OPN5: variants seen among roughly 807,000 people sequenced by gnomAD.
The protein encoded by OPN5 is opsin 5.
OPN5 carries 18 observed loss-of-function variants against 41.7 expected under a neutral mutation model. The observed-to-expected ratio is 0.43, with a 90% CI of 0.30 to 0.64. The LOEUF (loss-of-function observed/expected upper bound fraction) is 0.64. Ranked by LOEUF, OPN5 falls within the 30% of genes least tolerant of loss-of-function variation. The pLI is 0.13. For missense variants in OPN5, 318 were observed against 434.5 expected (o/e 0.73, Z 2.38); for synonymous variants, 178 against 164.3 (o/e 1.08, Z -0.64).
intron 4 of OPN5, among the ~76,000 whole-genome samples, chr6:47,796,254 T>C (rs1288377061): frequency 6.6e-6 from 1 of 152,198 alleles, no homozygotes; most frequent in Non-Finnish European, 1.5e-5. Context: ...ATAACAGGAA[T>C]AGTGATATCT....
intron 6 of OPN5, among the ~76,000 whole-genome samples, chr6:47,816,067 GGTTTT>G (rs879700114): frequency 1.3e-5 from 2 of 152,038 alleles, no homozygotes; most frequent in Non-Finnish European, 2.9e-5. Flanking sequence ...GTGCTTTGTT[GGTTTT>G]GTTTTATTTT....
At chr6:47,817,589 G>C (rs111568573) in intron 6 of OPN5, among the ~76,000 whole-genome samples, 1,899 of 152,142 alleles carry the variant, frequency 0.012, 44 homozygotes, top group African/African-American at 0.043. Context: ...AAAAGAACTT[G>C]AGCCCCATGC....
chr6:47,810,026 A>G (rs186558154), intron 5 of OPN5, among the ~76,000 whole-genome samples: 132 of 152,338 alleles, frequency 8.7e-4, no homozygotes, highest in Non-Finnish European at 1.5e-3. Context: ...TCAATACTCA[A>G]CAATGGGAAG....
chr6:47,811,230 A>C (rs1231258685), intron 5 of OPN5, among the ~76,000 whole-genome samples: 1 of 152,156 alleles, frequency 6.6e-6, no homozygotes, highest in Non-Finnish European at 1.5e-5. Flanking sequence ...AGTCATTTGC[A>C]TTCCTGGTAC....
chr6:47,819,891 G>C (rs1438360057), intron 6 of OPN5, among the ~76,000 whole-genome samples: 4 of 152,080 alleles, frequency 2.6e-5, no homozygotes, highest in African/African-American at 7.2e-5. Flanking sequence ...TTATTTGCTG[G>C]GAAGCAAATT....
At chr6:47,821,420 G>T (rs1762619909) in intron 6 of OPN5, among the ~76,000 whole-genome samples, 2 of 152,160 alleles carry the variant, frequency 1.3e-5, no homozygotes, top group Non-Finnish European at 2.9e-5. Context: ...TTCTAGGAGG[G>T]TCTTCAAAAC....
At chr6:47,813,533 T>C (rs79446777) in intron 6 of OPN5, among the ~76,000 whole-genome samples, 2,548 of 152,218 alleles carry the variant, frequency 0.017, 31 homozygotes, top group Middle Eastern at 0.027. Flanking sequence ...CTCCAAAGGC[T>C]TTGTTGTTTA....
intron 6 of OPN5, among the ~76,000 whole-genome samples, chr6:47,820,423 G>A (rs1009828998): frequency 9.2e-5 from 14 of 152,134 alleles, no homozygotes; most frequent in African/African-American, 3.4e-4. Context: ...ATGGTTGACC[G>A]ATTTATTCTG....
At chr6:47,814,482 T>C (rs1762371532) in intron 6 of OPN5, among the ~76,000 whole-genome samples, 2 of 152,158 alleles carry the variant, frequency 1.3e-5, no homozygotes, top group African/African-American at 4.8e-5. Flanking sequence ...CTAGAGTTAA[T>C]ATCTGTTATC....
At chr6:47,789,115 C>A (rs944972098) in intron 2 of OPN5, among the ~76,000 whole-genome samples, 2 of 152,100 alleles carry the variant, frequency 1.3e-5, no homozygotes, top group Non-Finnish European at 2.9e-5. Context: ...CATTCTGTCA[C>A]TTTCACTTGT....
intron 4 of OPN5, among the ~76,000 whole-genome samples, chr6:47,798,858 T>G (rs1332379078): frequency 2.6e-5 from 4 of 152,152 alleles, no homozygotes; most frequent in African/African-American, 9.7e-5. Flanking sequence ...GAAACCTTTT[T>G]GCTCATTTAG....
At chr6:47,814,821 T>C (rs1762383693) in intron 6 of OPN5, among the ~76,000 whole-genome samples, 2 of 152,128 alleles carry the variant, frequency 1.3e-5, no homozygotes, top group African/African-American at 4.8e-5. Flanking sequence ...CTGCAAAATC[T>C]TTGAGCTTGT....
At chr6:47,813,410 C>T (rs565953410) in intron 6 of OPN5, among the ~76,000 whole-genome samples, 31 of 152,134 alleles carry the variant, frequency 2.0e-4, no homozygotes, top group South Asian at 8.3e-4. Flanking sequence ...AGCAATATGC[C>T]GGTGATAGAG....
At chr6:47,787,159 CAT>C (rs1773218198) in intron 2 of OPN5, 2 of 983,300 alleles carry the variant, frequency 2.0e-6, no homozygotes, top group Non-Finnish European at 2.4e-6. Flanking sequence ...ATATCACAAG[CAT>C]AGGAAGCTTC....
At chr6:47,803,294 T>C (rs1728668835) in intron 4 of OPN5, among the ~76,000 whole-genome samples, 1 of 152,216 alleles carries the variant, frequency 6.6e-6, no homozygotes, top group African/African-American at 2.4e-5. Flanking sequence ...TTGCCACTGG[T>C]AGAATCACTC....
intron 4 of OPN5, among the ~76,000 whole-genome samples, chr6:47,798,748 A>C (rs1387190473): frequency 2.6e-5 from 4 of 152,130 alleles, no homozygotes; most frequent in African/African-American, 9.7e-5. Context: ...TCAGTACTAA[A>C]TTGAAACTAT....
chr6:47,799,070 G>A (rs1773672034), intron 4 of OPN5, among the ~76,000 whole-genome samples: 3 of 152,064 alleles, frequency 2.0e-5, no homozygotes, highest in African/African-American at 7.2e-5. Context: ...GAAGCTAAAA[G>A]TTGGCATTCT....
intron 4 of OPN5, 53 bp downstream of exon 4, chr6:47,795,616 A>G: frequency 8.0e-7 from 1 of 1,243,424 alleles, no homozygotes; most frequent in African/African-American, 1.5e-5. Context: ...ACAACTTCAT[A>G]GGGTACAAAG....
At chr6:47,788,805 T>TGGGGG (rs5876033) in intron 2 of OPN5, among the ~76,000 whole-genome samples, 1 of 125,264 alleles carries the variant, frequency 8.0e-6, no homozygotes, top group African/African-American at 3.0e-5. Context: ...TAGGATAACC[T>TGGGGG]GGGGGGGGGC....
Sources: gnomAD v4.1 joint callset for allele counts (sites outside exome capture counted in the v4.1 genomes callset) on GRCh38, gnomAD v4.1.1 for gene constraint, MANE v1.5 for transcripts, NCBI Gene and HGNC (gene_info 2026-07-23, HGNC 2026-07-21) for gene names.